DOCK3: variants seen among roughly 807,000 people sequenced by gnomAD.
The protein encoded by DOCK3 is dedicator of cytokinesis 3.
In DOCK3, 60 loss-of-function variants were observed where a neutral mutation model predicts 265.6. The ratio of observed to expected loss-of-function variants is 0.23; its 90% CI spans 0.18 to 0.28. DOCK3 has a LOEUF of 0.28. Ranked by LOEUF, DOCK3 falls within the 10% of genes least tolerant of loss-of-function variation. The pLI, the probability that DOCK3 is intolerant of heterozygous loss-of-function variation, is 1.00. For missense variants in DOCK3, 1,981 were observed against 2,594.3 expected (o/e 0.76, Z 5.14); for synonymous variants, 881 against 938.0 (o/e 0.94, Z 1.11).
chr3:51,060,413 T>C (rs2081370854), intron 5 of DOCK3, among the ~76,000 whole-genome samples: 1 of 152,224 alleles, frequency 6.6e-6, no homozygotes, highest in Non-Finnish European at 1.5e-5. Flanking sequence ...ATCCCATTTG[T>C]CAATTTTGGC....
rs2081596835 is a variant in DOCK3, at chr3:51,066,515, G to A, written c.464+1919G>A. On this transcript the variant is annotated intron_variant, in intron 6 of 52. Transcript: ENST00000266037. ...GAAATAATATGTTCAGAGTTCTGTAGGGAAATGATTTGCCAGCCAGAGTTT... is the reference window on the plus strand; with the variant it reads ...GAAATAATATGTTCAGAGTTCTGTAAGGAAATGATTTGCCAGCCAGAGTTT... Among the ~76,000 whole-genome samples the A allele has an allele frequency of 2.6e-5, 4 of 152,294 alleles. No homozygotes were observed. The East Asian group carries it at 7.7e-4, about 29-fold the overall frequency.
At chr3:51,065,968 A>G (rs2081577247) in intron 6 of DOCK3, among the ~76,000 whole-genome samples, 1 of 152,242 alleles carries the variant, frequency 6.6e-6, no homozygotes, top group South Asian at 2.1e-4. Context: ...ACTTTAAAAC[A>G]AAACAAAACA....
chr3:50,715,196 C>T (rs977220567), intron 1 of DOCK3, among the ~76,000 whole-genome samples: 6 of 152,148 alleles, frequency 3.9e-5, no homozygotes, highest in Non-Finnish European at 8.8e-5. Context: ...ATTAACTTTG[C>T]TCGGGTGGAT....
At chr3:51,369,399 A>G (rs1409084415) in intron 49 of DOCK3, among the ~76,000 whole-genome samples, 1 of 152,264 alleles carries the variant, frequency 6.6e-6, no homozygotes, top group Admixed American at 6.5e-5. Flanking sequence ...TGATGCATGC[A>G]CAAGCTTCAG....
intron 2 of DOCK3, among the ~76,000 whole-genome samples, chr3:50,819,143 G>C (rs2044260766): frequency 6.6e-6 from 1 of 152,158 alleles, no homozygotes; most frequent in South Asian, 2.1e-4. Flanking sequence ...GTTTAATCTA[G>C]AATTGAGTTT....
At chr3:50,938,793 A>G (rs939369950) in intron 5 of DOCK3, among the ~76,000 whole-genome samples, 2 of 152,032 alleles carry the variant, frequency 1.3e-5, no homozygotes, top group African/African-American at 4.8e-5. Context: ...AATAATAGGA[A>G]AAAAAGCAAG....
chr3:51,019,945 C>T (rs189864754), intron 5 of DOCK3, among the ~76,000 whole-genome samples: 23 of 151,722 alleles, frequency 1.5e-4, no homozygotes, highest in Middle Eastern at 3.4e-3. Context: ...CATATATGTG[C>T]GCATGTGTCT....
intron 27 of DOCK3, among the ~76,000 whole-genome samples, chr3:51,309,229 A>G (rs1253098741): frequency 6.6e-6 from 1 of 152,204 alleles, no homozygotes; most frequent in Non-Finnish European, 1.5e-5. Context: ...AGGCCAAGGC[A>G]GGCAGCTGGG....
chr3:51,301,235 G>T (rs2355946), intron 27 of DOCK3, among the ~76,000 whole-genome samples: 10,802 of 152,208 alleles, frequency 0.071, 962 homozygotes, highest in East Asian at 0.32. Flanking sequence ...ATTTCTGCAG[G>T]ATCAGTGGTG....
intron 5 of DOCK3, among the ~76,000 whole-genome samples, chr3:50,970,891 TTA>T (rs55749209): frequency 0.019 from 229 of 12,114 alleles, no homozygotes; most frequent in Non-Finnish European, 0.024. Flanking sequence ...CATCTAATTT[TTA>T]TATATATATA....
chr3:50,916,820 C>G (rs1245422968), intron 4 of DOCK3, among the ~76,000 whole-genome samples: 1 of 146,764 alleles, frequency 6.8e-6, no homozygotes, highest in East Asian at 2.0e-4. Flanking sequence ...GCACTCCAGC[C>G]TGGGCAACAG....
chr3:51,004,348 G>A (rs1404576812), intron 5 of DOCK3, among the ~76,000 whole-genome samples: 1 of 152,118 alleles, frequency 6.6e-6, no homozygotes, highest in African/African-American at 2.4e-5. Context: ...CCTGGCTAAC[G>A]TGTTTTAATT....
At chr3:51,132,816 G>C (rs747395412) in intron 9 of DOCK3, among the ~76,000 whole-genome samples, 14 of 152,178 alleles carry the variant, frequency 9.2e-5, no homozygotes, top group Non-Finnish European at 1.6e-4. Context: ...GGAGGACCCT[G>C]ATGAAGCTGG....
At position 50,767,192 on chromosome 3, in the gene DOCK3, C is replaced by T. The variant is rs150144969; in HGVS notation, c.38-11483C>T. 6.2e-4 allele frequency among the ~76,000 whole-genome samples: 94 copies of T among 152,134 alleles called. 2 individuals are homozygous for T. The East Asian group carries it at 0.017, about 28-fold the overall frequency. On this transcript the variant is annotated intron_variant, in intron 1 of 52. Coordinates refer to ENST00000266037, the MANE Select transcript of DOCK3 (RefSeq NM_004947.5). ...GGTGTTTTAGACTTGAAGTGCTTGC[C>T]CATGCCTATGTCCTGAATGGTATTG...
chr3:50,921,078 T>C (rs904707602), intron 4 of DOCK3, among the ~76,000 whole-genome samples: 3 of 152,174 alleles, frequency 2.0e-5, no homozygotes, highest in Non-Finnish European at 2.9e-5. Context: ...TTTCTTAATC[T>C]TGAGTTCTAG....
chr3:50,959,530 T>G (rs1194091319), intron 5 of DOCK3, among the ~76,000 whole-genome samples: 2 of 146,088 alleles, frequency 1.4e-5, no homozygotes, highest in African/African-American at 2.5e-5. Context: ...TCTTTTTATG[T>G]TGTGTGTGTG....
chr3:50,889,972 A>T lies in DOCK3; in HGVS notation c.163-54A>T. ...TCTGATTGCTATTTTTGTATATATG[A>T]AATGTTAATCACAATTTTATTTTTT... On this transcript the variant is annotated intron_variant, in intron 3 of 52. Coordinates refer to ENST00000266037, the MANE Select transcript of DOCK3 (RefSeq NM_004947.5). 3.0e-6 allele frequency: 4 copies of T among 1,314,074 alleles called. No individual in the cohort carries two copies. The South Asian group carries it at 5.6e-5, about 19-fold the overall frequency. The allele number at this position is 1,314,074 out of a possible 1,614,324, so 81.4% of individuals were successfully genotyped here.
intron 3 of DOCK3, among the ~76,000 whole-genome samples, chr3:50,862,498 T>C (rs977460509): frequency 6.6e-6 from 1 of 150,856 alleles, no homozygotes; most frequent in African/African-American, 2.4e-5. Context: ...AAAGTGATCC[T>C]GTTGGAGTGT....
chr3:50,906,902 A>C (rs865799562), intron 4 of DOCK3, among the ~76,000 whole-genome samples: 81 of 152,106 alleles, frequency 5.3e-4, no homozygotes, highest in Middle Eastern at 6.8e-3. Context: ...TAGTGCTATA[A>C]ATTTCCCTCT....
Sources: gnomAD v4.1 joint callset for allele counts (sites outside exome capture counted in the v4.1 genomes callset) on GRCh38, gnomAD v4.1.1 for gene constraint, MANE v1.5 for transcripts, NCBI Gene and HGNC (gene_info 2026-07-23, HGNC 2026-07-21) for gene names.